AGBL2: variants seen among roughly 807,000 people sequenced by gnomAD.
AGBL2 encodes AGBL carboxypeptidase 2.
Under a neutral mutation model 103.0 loss-of-function variants are expected in AGBL2, and 87 were observed. The observed-to-expected ratio is 0.84, with a 90% CI of 0.71 to 1.01. The LOEUF (loss-of-function observed/expected upper bound fraction) is 1.01. Among genes scored for constraint, AGBL2 ranks in the 50% least tolerant of loss-of-function variants. The pLI, the probability that AGBL2 is intolerant of heterozygous loss-of-function variation, is 0.00. For missense variants in AGBL2, 904 were observed against 1,023.5 expected, an observed-to-expected ratio of 0.88 and a Z score of 1.59; for synonymous variants, 335 against 356.7, an observed-to-expected ratio of 0.94 and a Z score of 0.69.
chr11:47,662,971 C>A, intron 18 of AGBL2, 55 bp downstream of exon 18: 2 of 1,348,044 alleles, frequency 1.5e-6, no homozygotes, highest in Non-Finnish European at 2.1e-6. Flanking sequence ...CATTTGAGAA[C>A]TAATTAAAAT....
Position 47,681,996 on chromosome 11 carries a change from C to T in AGBL2, c.1888G>A (p.Glu630Lys), listed in dbSNP as rs2097403190. The part of the protein sequence containing the change: ...RMGILNSYTM[E>K]STFGGSTLGN... ...AGGGTGGACCCGCCAAAGGTAGACT[C>T]CATGGTGTAGCTGTTTAGGATTCCC... is the stretch of plus-strand genomic sequence containing the variant. Residue 630 changes from glutamate to lysine, a missense_variant, in exon 12 of 19, where the codon GAG becomes AAG. By Grantham distance (56) the Glu-to-Lys change is moderately conservative. Coordinates refer to ENST00000525123, the MANE Select transcript of AGBL2 (RefSeq NM_024783.4). The T allele has an allele frequency of 6.2e-7, 1 of 1,614,110 alleles. No individual in the cohort carries two copies. The highest frequency in any genetic ancestry group is 8.5e-7 in the Non-Finnish European group (1 of 1,180,016).
At chr11:47,692,602 C>T (rs907424861) in intron 8 of AGBL2, among the ~76,000 whole-genome samples, 4 of 150,880 alleles carry the variant, frequency 2.7e-5, no homozygotes, top group Middle Eastern at 3.2e-3. Flanking sequence ...TTAGTAGAGA[C>T]GGAGTTTCAC....
At chr11:47,675,164 T>C (rs2097370140) in intron 14 of AGBL2, among the ~76,000 whole-genome samples, 2 of 150,646 alleles carry the variant, frequency 1.3e-5, no homozygotes, top group Admixed American at 1.3e-4. Context: ...GGACCTCTTC[T>C]CTATCTGCAC....
chr11:47,672,299 A>T (rs955183071), intron 14 of AGBL2, among the ~76,000 whole-genome samples: 1 of 149,498 alleles, frequency 6.7e-6, no homozygotes, highest in Non-Finnish European at 1.5e-5. Context: ...CACTATTTCT[A>T]TGAGTTGATA....
At chr11:47,712,976 A>G (rs1030295553) in intron 3 of AGBL2, among the ~76,000 whole-genome samples, 2 of 151,964 alleles carry the variant, frequency 1.3e-5, no homozygotes, top group Non-Finnish European at 2.9e-5. Flanking sequence ...CGCGAGGTGG[A>G]AGTTGCAGCA....
At chr11:47,685,282 T>G (rs1761101827) in intron 11 of AGBL2, among the ~76,000 whole-genome samples, 2 of 152,180 alleles carry the variant, frequency 1.3e-5, no homozygotes, top group African/African-American at 4.8e-5. Flanking sequence ...TTCTTTTTTA[T>G]TCTATTGTTT....
intron 10 of AGBL2, among the ~76,000 whole-genome samples, chr11:47,689,480 T>C (rs1276929919): frequency 1.3e-5 from 2 of 151,780 alleles, no homozygotes; most frequent in Non-Finnish European, 2.9e-5. Flanking sequence ...AATTTTTGTA[T>C]CTTTAGCAGA....
At chr11:47,699,868 A>G (rs1399005685) in intron 7 of AGBL2, among the ~76,000 whole-genome samples, 1 of 152,178 alleles carries the variant, frequency 6.6e-6, no homozygotes, top group Non-Finnish European at 1.5e-5. Context: ...GTTTCCTTAA[A>G]GTGAGCAAAA....
intron 8 of AGBL2, among the ~76,000 whole-genome samples, chr11:47,696,142 C>A (rs2097472081): frequency 7.0e-6 from 1 of 142,454 alleles, no homozygotes. Context: ...GTTGCAGTGC[C>A]ATGCACTCCA....
At chr11:47,681,324 T>A (rs2097400352) in intron 12 of AGBL2, among the ~76,000 whole-genome samples, 1 of 151,386 alleles carries the variant, frequency 6.6e-6, no homozygotes. Flanking sequence ...AGAAACCCTG[T>A]CTCAAAAAAA....
In AGBL2 at chr11:47,685,978, A is replaced by G; in HGVS notation, c.1703T>C (p.Leu568Pro). 1 of 1,613,970 alleles carries G rather than the reference A, an allele frequency of 6.2e-7. No homozygotes were observed. Among genetic ancestry groups the G allele is most frequent in the Non-Finnish European group, 8.5e-7 (1 of 1,179,856 alleles). The part of the protein sequence containing the change: ...HGHSRKNNIF[L>P]YGCNNNNRKY... ...GCGATTGTTGTTATTACAGCCATAC[A>G]GGAAGATATTATTCTTACGACTGTG... The change falls in exon 11 of 19, where the codon CTG becomes CCG. Residue 568 changes from leucine (L) to proline (P), a missense_variant. By Grantham distance (98) the Leu-to-Pro change is moderately conservative. Transcript: ENST00000525123.
rs1185822408 is a variant in AGBL2 at position 47,662,912 on chromosome 11, G to A, written c.2535+114C>T. The A allele has an allele frequency of 1.2e-5, 11 of 892,788 alleles. No individual in the cohort carries two copies. The Admixed American group carries it at 1.2e-4, about 10-fold the overall frequency. 55.3% of individuals were successfully genotyped at this position (892,788 alleles called of 1,614,324 possible). On this transcript the variant is annotated intron_variant, in intron 18 of 18. Coordinates refer to ENST00000525123, the MANE Select transcript of AGBL2 (RefSeq NM_024783.4). ...ATGTTCACCTGCGCAGAACGAATCC[G>A]AGAAGGTAAAACTGGACTGTGCATC...
chr11:47,659,944 T>G lies in AGBL2; in HGVS notation c.*229A>C. 2.5e-6 allele frequency: 1 copy of G among 405,212 alleles called. No individual in the cohort carries two copies. Among genetic ancestry groups the G allele is most frequent in the Non-Finnish European group, 4.3e-6 (1 of 231,630 alleles). 25.1% of individuals were successfully genotyped at this position (405,212 alleles called of 1,614,324 possible). A position where few individuals can be genotyped will look rare whatever the true frequency, so the allele number is the denominator to read the frequency against. On this transcript the variant is annotated 3_prime_UTR_variant, in exon 19 of 19. Transcript: ENST00000525123. ...ACTTCAGTTTCTGATAAAGCATTTTTACACATCATAATAAAATTTCATTTT... is the reference window on the plus strand; with the variant it reads ...ACTTCAGTTTCTGATAAAGCATTTTGACACATCATAATAAAATTTCATTTT...
Position 47,710,498 on chromosome 11 carries a change from A to T in AGBL2, c.111T>A (p.Ser37Arg). 1 of 1,614,134 alleles carries T rather than the reference A, an allele frequency of 6.2e-7. No homozygotes were observed. The highest frequency in any genetic ancestry group is 8.5e-7 in the Non-Finnish European group (1 of 1,180,034). The change falls in exon 4 of 19, where the codon AGT becomes AGA. Residue 37 changes from serine to arginine, a missense_variant. Coordinates refer to ENST00000525123, the MANE Select transcript of AGBL2 (RefSeq NM_024783.4). ...YYGYFKAQRG[S>R]LPNSATHQHV... ...GCTGATGCGTAGCAGAGTTTGGTAA[A>T]CTGCCTCTCTGAGCTAAAAATTGGC...
At chr11:47,665,061 T>C (rs1000209245) in intron 17 of AGBL2, among the ~76,000 whole-genome samples, 6 of 143,966 alleles carry the variant, frequency 4.2e-5, no homozygotes, top group Non-Finnish European at 7.7e-5. Context: ...TTTTTTCTTC[T>C]TTTTTTTTTT....
chr11:47,714,311 G>A lies in AGBL2; in HGVS notation c.70C>T (p.His24Tyr), dbSNP rs2097543944. The change falls in exon 3 of 19, where the codon CAC (histidine) becomes TAC (tyrosine). Residue 24 changes from histidine (H) to tyrosine (Y), a missense_variant. His to Tyr is a moderately conservative substitution (Grantham distance 83). Transcript: ENST00000525123. ...TTAAAGTAGCCATAATATTGGAGGT[G>A]ACGGTACATAAAGTCTTCATAAGGA... ...PDPYEDFMYR[H>Y]LQYYGYFKAQ... is the part of the protein sequence containing the mutation. 1 of 1,612,338 alleles carries A rather than the reference G, an allele frequency of 6.2e-7. No homozygotes were observed. The highest frequency in any genetic ancestry group is 1.7e-5 in the Admixed American group (1 of 59,694).
At chr11:47,661,894 G>A (rs753797599) in intron 18 of AGBL2, among the ~76,000 whole-genome samples, 10 of 151,316 alleles carry the variant, frequency 6.6e-5, no homozygotes, top group Non-Finnish European at 1.5e-4. Flanking sequence ...GACTACAGGC[G>A]TGTGCCACCA....
chr11:47,690,060 A>G lies in AGBL2; in HGVS notation c.1631+16T>C, dbSNP rs1210064757. On this transcript the variant is annotated intron_variant, in intron 10 of 18. Coordinates refer to ENST00000525123, the MANE Select transcript of AGBL2 (RefSeq NM_024783.4). ...TCATAGCAGTCACAGAAAGATCAAC[A>G]GATAAAAAGTCTCACCTTTTGATCA... 2 of 1,586,184 alleles carry G rather than the reference A, an allele frequency of 1.3e-6. No homozygotes were observed. Among genetic ancestry groups the G allele is most frequent in the South Asian group, 2.3e-5 (2 of 85,980 alleles).
Position 47,675,488 on chromosome 11 carries a change from G to A in AGBL2, c.2147+1783C>T, listed in dbSNP as rs1223167716. Among the ~76,000 whole-genome samples, 4 of 145,956 alleles carry A rather than the reference G, an allele frequency of 2.7e-5. No individual in the cohort carries two copies. In the East Asian group the frequency reaches 6.4e-4, roughly 23 times the overall value. On this transcript the variant is annotated intron_variant, in intron 14 of 18. Transcript: ENST00000525123. ...TAACCTCCACCTCTCGGGTTCAGGC[G>A]ATCCTCCCTCCCGCCTCAGCCTCCC... is the stretch of plus-strand genomic sequence containing the variant.
Sources: allele counts gnomAD v4.1 joint callset (sites outside exome capture counted in the v4.1 genomes callset), GRCh38; gene constraint gnomAD v4.1.1; transcripts MANE v1.5; gene names NCBI Gene and HGNC (gene_info 2026-07-23, HGNC 2026-07-21).